The following PLPPR1 variants were observed in gnomAD, a reference collection of about 807,000 sequenced individuals.
The protein encoded by PLPPR1 is phospholipid phosphatase related 1.
In PLPPR1, 10 loss-of-function variants were observed where a neutral mutation model predicts 33.1. That is an observed-to-expected ratio of 0.30 (90% CI 0.19 to 0.51). The LOEUF is 0.51. Among genes scored for constraint, PLPPR1 ranks in the 20% least tolerant of loss-of-function variants. PLPPR1 has a pLI of 0.97. For synonymous variants in PLPPR1, 151 were observed against 151.0 expected (o/e 1.00, Z 0.00); for missense variants, 304 against 408.1 (o/e 0.74, Z 2.20).
intron 1 of PLPPR1, among the ~76,000 whole-genome samples, chr9:101,036,176 C>G (rs1320833155): frequency 1.3e-5 from 2 of 152,032 alleles, no homozygotes. Context: ...CTCATCTGAC[C>G]CTAGTCCCAG....
In PLPPR1 at chr9:101,313,121, G is replaced by A. The variant is rs956983211; in HGVS notation, c.813+147G>A. The A allele has an allele frequency of 5.4e-6, 4 of 735,580 alleles. No individual in the cohort carries two copies. In the African/African-American group the frequency reaches 7.1e-5, roughly 13 times the overall value. 45.6% of individuals were successfully genotyped at this position (735,580 alleles called of 1,614,324 possible). On this transcript the variant is annotated intron_variant, in intron 6 of 7. Coordinates refer to ENST00000374874, the MANE Select transcript of PLPPR1 (RefSeq NM_207299.2). ...TTCTCCAAGTATTATACATGCTTTT[G>A]CTACAAAAATGATTTCAAAACACTC...
intron 1 of PLPPR1, among the ~76,000 whole-genome samples, chr9:101,099,206 A>G (rs1203960596): frequency 6.6e-6 from 1 of 152,164 alleles, no homozygotes; most frequent in Non-Finnish European, 1.5e-5. Context: ...AACCAGCAAC[A>G]GCAAAACAAA....
At chr9:101,190,020 C>T (rs1282767970) in intron 2 of PLPPR1, among the ~76,000 whole-genome samples, 1 of 152,004 alleles carries the variant, frequency 6.6e-6, no homozygotes, top group African/African-American at 2.4e-5. Flanking sequence ...TCATGTAGAC[C>T]TTAGGTGTTG....
chr9:101,117,060 C>G (rs1030939547), intron 1 of PLPPR1, among the ~76,000 whole-genome samples: 5 of 152,012 alleles, frequency 3.3e-5, no homozygotes, highest in African/African-American at 1.2e-4. Context: ...GGATCTTCAT[C>G]CCTCTGCAAC....
At chr9:101,309,555 G>A (rs566943200) in intron 5 of PLPPR1, 94 bp downstream of exon 5, 10 of 1,384,520 alleles carry the variant, frequency 7.2e-6, no homozygotes, top group East Asian at 2.3e-5. Flanking sequence ...CACTTATAGC[G>A]ACTCTTAAAT....
chr9:101,285,331 G>C (rs2118914854), intron 3 of PLPPR1, among the ~76,000 whole-genome samples: 1 of 152,164 alleles, frequency 6.6e-6, no homozygotes, highest in East Asian at 1.9e-4. Flanking sequence ...TCTACCTAAG[G>C]GCATTATAAT....
chr9:101,126,168 G>A (rs982214208), intron 1 of PLPPR1, among the ~76,000 whole-genome samples: 5 of 152,158 alleles, frequency 3.3e-5, no homozygotes, highest in Admixed American at 1.3e-4. Flanking sequence ...TACTACCAAA[G>A]CCTCCTGTTC....
At chr9:101,211,350 ACTCTGAATTCACATCTGAAAACAGAG>A (rs1826688140) in intron 2 of PLPPR1, among the ~76,000 whole-genome samples, 1 of 152,132 alleles carries the variant, frequency 6.6e-6, no homozygotes, top group South Asian at 2.1e-4. Flanking sequence ...AAACAAGACT[ACTCTGAATTCACATCTGAAAACAGAG>A]AAAACATTGT....
intron 2 of PLPPR1, among the ~76,000 whole-genome samples, chr9:101,237,926 CTA>C (rs34987720): frequency 5.9e-4 from 60 of 102,210 alleles, no homozygotes; most frequent in Non-Finnish European, 1.0e-3. Context: ...GAGAATAAGC[CTA>C]TATATATATA....
At chr9:101,232,911 TC>T (rs1442965507) in intron 2 of PLPPR1, among the ~76,000 whole-genome samples, 1 of 152,028 alleles carries the variant, frequency 6.6e-6, no homozygotes, top group Admixed American at 6.6e-5. Context: ...TTATTAACTT[TC>T]TTTTGGCTTA....
intron 4 of PLPPR1, among the ~76,000 whole-genome samples, chr9:101,297,877 G>T (rs1828678222): frequency 6.6e-6 from 1 of 152,060 alleles, no homozygotes; most frequent in African/African-American, 2.4e-5. Flanking sequence ...GTTCTCAAGA[G>T]AGTTAAACAC....
chr9:101,313,155 CAG>C (rs1425730002), intron 6 of PLPPR1, among the ~76,000 whole-genome samples, 181 bp downstream of exon 6: 2 of 152,178 alleles, frequency 1.3e-5, no homozygotes, highest in African/African-American at 4.8e-5. Context: ...TCTTTCCTTT[CAG>C]AAACTGGATT....
At chr9:101,108,027 C>A (rs927935569) in intron 1 of PLPPR1, among the ~76,000 whole-genome samples, 5 of 148,746 alleles carry the variant, frequency 3.4e-5, no homozygotes, top group Admixed American at 1.3e-4. Context: ...TGCGCGCACA[C>A]ACTGGCCTGC....
chr9:101,173,755 C>T (rs150375829), intron 1 of PLPPR1, among the ~76,000 whole-genome samples: 1 of 152,076 alleles, frequency 6.6e-6, no homozygotes, highest in Non-Finnish European at 1.5e-5. Flanking sequence ...CCTTTTTTCT[C>T]TCTCCCCTTG....
chr9:101,181,939 A>C lies in PLPPR1; in HGVS notation c.-45-3511A>C, dbSNP rs1183143732. On this transcript the variant is annotated intron_variant, in intron 1 of 7. Coordinates refer to ENST00000374874, the MANE Select transcript of PLPPR1 (RefSeq NM_207299.2). ...TGTGTATGTGTATATATATATACAC[A>C]CACATACATACATAAACCAAATTTT... is the stretch of plus-strand genomic sequence containing the variant. Among the ~76,000 whole-genome samples the C allele has an allele frequency of 6.0e-5, 9 of 150,654 alleles. No individual in the cohort carries two copies. In the Admixed American group the frequency reaches 6.0e-4, roughly 10 times the overall value.
At chr9:101,150,287 G>T (rs983274172) in intron 1 of PLPPR1, among the ~76,000 whole-genome samples, 6 of 151,990 alleles carry the variant, frequency 3.9e-5, no homozygotes, top group Admixed American at 1.3e-4. Context: ...TCTGTTAAAT[G>T]ATCTTAATCC....
At chr9:101,258,921 T>C (rs1018534814) in intron 2 of PLPPR1, among the ~76,000 whole-genome samples, 1 of 152,220 alleles carries the variant, frequency 6.6e-6, no homozygotes. Context: ...GCCAGTTTTG[T>C]ATCACTATAC....
rs143274685 is a variant in PLPPR1, at chr9:101,075,771, C to T, written c.-46+46669C>T. Among the ~76,000 whole-genome samples the T allele has an allele frequency of 6.9e-3, 1,048 of 152,242 alleles. 13 individuals carry two copies. Among genetic ancestry groups the T allele is most frequent in the African/African-American group, 0.024 (1,012 of 41,536 alleles). ...TAAGCAATTAATGATAGCGTACCTT[C>T]AGATAGAGATGAGTGCCAGGGATAG... On this transcript the variant is annotated intron_variant, in intron 1 of 7. Transcript: ENST00000374874.
At chr9:101,298,351 G>T (rs1828686080) in intron 4 of PLPPR1, among the ~76,000 whole-genome samples, 1 of 152,142 alleles carries the variant, frequency 6.6e-6, no homozygotes, top group Admixed American at 6.6e-5. Flanking sequence ...ACTAAAAAGT[G>T]CCATGGTAAA....
Sources: gnomAD v4.1 joint callset for allele counts (sites outside exome capture counted in the v4.1 genomes callset) on GRCh38, gnomAD v4.1.1 for gene constraint, MANE v1.5 for transcripts, NCBI Gene and HGNC (gene_info 2026-07-23, HGNC 2026-07-21) for gene names.